PCDHGA3: variants seen among roughly 807,000 people sequenced by gnomAD.
The protein encoded by PCDHGA3 is protocadherin gamma-A3.
A neutral mutation model predicts 58.5 loss-of-function variants in PCDHGA3; 40 were observed. The observed-to-expected ratio is 0.68, with a 90% CI of 0.53 to 0.89. The LOEUF is 0.89. Ranked by LOEUF, PCDHGA3 falls within the 40% of genes least tolerant of loss-of-function variation. The pLI, the probability that PCDHGA3 is intolerant of heterozygous loss-of-function variation, is 0.00. For missense variants in PCDHGA3, 1,223 were observed against 1,195.9 expected (o/e 1.02, Z -0.33); for synonymous variants, 530 against 525.7 (o/e 1.01, Z -0.11).
In PCDHGA3 at chr5:141,399,169, C is replaced by G. The variant is rs371809310; in HGVS notation, c.2424+52712C>G. On this transcript the variant is annotated intron_variant, in intron 1 of 3. Transcript: ENST00000253812. ...TAGCCCAGAAGTTACATTCCATTCT[C>G]TACTTGAAATGATTCTGGAAAACGC... 2.4e-5 allele frequency: 38 copies of G among 1,613,632 alleles called. No individual in the cohort carries two copies. In the African/African-American group the frequency reaches 4.0e-4, roughly 17 times the overall value.
chr5:141,401,712 A>G (rs987480271), intron 1 of PCDHGA3, among the ~76,000 whole-genome samples: 1 of 152,226 alleles, frequency 6.6e-6, no homozygotes, highest in Non-Finnish European at 1.5e-5. Flanking sequence ...TCCATTTTTA[A>G]GACAAAAACT....
In PCDHGA3 at chr5:141,477,967, C is replaced by A; in HGVS notation, c.2425-16840C>A. The A allele has an allele frequency of 6.2e-7, 1 of 1,614,150 alleles. No individual in the cohort carries two copies. Among genetic ancestry groups the A allele is most frequent in the Non-Finnish European group, 8.5e-7 (1 of 1,180,032 alleles). On this transcript the variant is annotated intron_variant, in intron 1 of 3. Transcript: ENST00000253812. The surrounding 1 kb of genome is among the most constrained non-coding windows in gnomAD (Gnocchi z 4.9). ...GTCTCTTGGGATCCCCTAACCAGAG[C>A]CTTTTTGCCATAGGGCTGCACACTG...
In PCDHGA3 at chr5:141,432,171, T is replaced by C. The variant is rs114326665; in HGVS notation, c.2425-62636T>C. On this transcript the variant is annotated intron_variant, in intron 1 of 3. Coordinates refer to ENST00000253812, the MANE Select transcript of PCDHGA3 (RefSeq NM_018916.4). This position sits in a 1 kb window ranked among gnomAD's most constrained non-coding sequence, Gnocchi z 6.0. ...GAGAACAATCCCAGAGGAGTTTCCC[T>C]CGTCTCTGTGACCGCCCACGACCCC... The C allele has an allele frequency of 4.4e-5, 71 of 1,614,046 alleles. No individual in the cohort carries two copies. In the African/African-American group the frequency reaches 8.5e-4, roughly 19 times the overall value.
chr5:141,444,947 C>G (rs2098452252), intron 1 of PCDHGA3, among the ~76,000 whole-genome samples: 1 of 152,054 alleles, frequency 6.6e-6, no homozygotes, highest in Non-Finnish European at 1.5e-5. Context: ...GGAGGAGGAT[C>G]ATCTTAACAA....
At chr5:141,371,965 A>T (rs746190919) in intron 1 of PCDHGA3, 1 of 1,613,282 alleles carries the variant, frequency 6.2e-7, no homozygotes, top group South Asian at 1.1e-5. Context: ...GACCACGAGC[A>T]GCTGCGTGCC....
At chr5:141,364,551 T>A in intron 1 of PCDHGA3, 1 of 1,614,076 alleles carries the variant, frequency 6.2e-7, no homozygotes, top group South Asian at 1.1e-5. Context: ...AGGACGCAGC[T>A]TTTTGCCCTG....
Position 141,420,095 on chromosome 5 carries a change from G to A in PCDHGA3, c.2424+73638G>A, listed in dbSNP as rs1382286285. 2.5e-6 allele frequency: 4 copies of A among 1,613,882 alleles called. No individual in the cohort carries two copies. Among genetic ancestry groups the A allele is most frequent in the Admixed American group, 1.7e-5 (1 of 60,010 alleles). ...TGTGGGTCCCCCCAACTACAGTGAGGGAACGTTGCCCTATGCCTATAATTT... is the reference window on the plus strand; with the variant it reads ...TGTGGGTCCCCCCAACTACAGTGAGAGAACGTTGCCCTATGCCTATAATTT... On this transcript the variant is annotated intron_variant, in intron 1 of 3. Coordinates refer to ENST00000253812, the MANE Select transcript of PCDHGA3 (RefSeq NM_018916.4).
At chr5:141,375,358 G>C in intron 1 of PCDHGA3, 1 of 1,613,810 alleles carries the variant, frequency 6.2e-7, no homozygotes, top group Non-Finnish European at 8.5e-7. Context: ...TGACAGCCAC[G>C]GACAAAGGAA....
intron 1 of PCDHGA3, chr5:141,384,016 G>A: frequency 6.2e-7 from 1 of 1,613,744 alleles, no homozygotes; most frequent in Non-Finnish European, 8.5e-7. Flanking sequence ...CTACCTACAA[G>A]ACAGAGATTC....
Position 141,477,858 on chromosome 5 carries a change from C to T in PCDHGA3, c.2425-16949C>T. 2 of 1,613,572 alleles carry T rather than the reference C, an allele frequency of 1.2e-6. No individual in the cohort carries two copies. Among genetic ancestry groups the T allele is most frequent in the Non-Finnish European group, 1.7e-6 (2 of 1,179,842 alleles). ...GGTGGGAGCTCGGTGGAGATGCTGC[C>T]TCGAGGTACCTCAGCTGGCCACCTA... On this transcript the variant is annotated intron_variant, in intron 1 of 3. Transcript: ENST00000253812. This position sits in a 1 kb window ranked among gnomAD's most constrained non-coding sequence, Gnocchi z 4.9.
intron 1 of PCDHGA3, chr5:141,383,477 A>T: frequency 6.2e-7 from 1 of 1,613,722 alleles, no homozygotes; most frequent in Non-Finnish European, 8.5e-7. Context: ...AAGTACCCGG[A>T]ACTGGTGCTG....
chr5:141,361,552 C>T, intron 1 of PCDHGA3: 1 of 1,614,060 alleles, frequency 6.2e-7, no homozygotes, highest in Non-Finnish European at 8.5e-7. Flanking sequence ...CTCTATCGCT[C>T]AAATCAGTGC....
rs1561492297 is a variant in PCDHGA3 at position 141,346,390 on chromosome 5, A to G, written c.2357A>G (p.Glu786Gly). The G allele has an allele frequency of 1.2e-6, 2 of 1,614,280 alleles. No individual in the cohort carries two copies. The highest frequency in any genetic ancestry group is 1.7e-6 in the Non-Finnish European group (2 of 1,180,052). The part of the protein sequence containing the change: ...ADTLISQESC[E>G]KSEPLLITQD... ...ACGCTCATCAGCCAGGAGAGCTGTG[A>G]GAAAAGCGAGCCTCTTCTGATAACT... Residue 786 changes from glutamate (E) to glycine (G), a missense_variant, in exon 1 of 4, where the codon GAG becomes GGG. Glu to Gly is a moderately conservative substitution (Grantham distance 98). Transcript: ENST00000253812.
At chr5:141,500,436 C>G (rs1318326111) in intron 2 of PCDHGA3, among the ~76,000 whole-genome samples, 2 of 151,836 alleles carry the variant, frequency 1.3e-5, no homozygotes, top group African/African-American at 2.4e-5. Flanking sequence ...GTCTCGATCT[C>G]CTGACCTCGT....
At position 141,485,632 on chromosome 5, in the gene PCDHGA3, G is replaced by C; in HGVS notation, c.2425-9175G>C. 6.2e-7 allele frequency: 1 copy of C among 1,611,766 alleles called. No individual in the cohort carries two copies. The highest frequency in any genetic ancestry group is 8.5e-7 in the Non-Finnish European group (1 of 1,178,342). ...CAGCTCCTCCAGGACAGCGTTTCCC[G>C]TTGGAAAAGGCTCAGGATGCAGATG... is the stretch of plus-strand genomic sequence containing the variant. On this transcript the variant is annotated intron_variant, in intron 1 of 3. Coordinates refer to ENST00000253812, the MANE Select transcript of PCDHGA3 (RefSeq NM_018916.4). This position sits in a 1 kb window ranked among gnomAD's most constrained non-coding sequence, Gnocchi z 5.7.
intron 1 of PCDHGA3, chr5:141,389,364 C>T: frequency 1.2e-6 from 2 of 1,613,854 alleles, no homozygotes; most frequent in Non-Finnish European, 1.7e-6. Context: ...GGCCAGTGAC[C>T]TGGAGCAGCG....
At chr5:141,392,891 C>G in intron 1 of PCDHGA3, 1 of 1,613,594 alleles carries the variant, frequency 6.2e-7, no homozygotes, top group Non-Finnish European at 8.5e-7. Context: ...TGTGGGAAAT[C>G]GGGAGGGGAC....
At chr5:141,408,765 G>A (rs1276364659) in intron 1 of PCDHGA3, 1 of 1,611,036 alleles carries the variant, frequency 6.2e-7, no homozygotes, top group East Asian at 2.2e-5. Context: ...AATTCCGATG[G>A]TGGCAAATAC....
At chr5:141,360,420 A>C (rs766750487) in intron 1 of PCDHGA3, 2 of 1,613,888 alleles carry the variant, frequency 1.2e-6, no homozygotes, top group African/African-American at 2.7e-5. Flanking sequence ...GAGAACAGAT[A>C]TGCGGGAAGC....
Sources: allele counts gnomAD v4.1 joint callset (sites outside exome capture counted in the v4.1 genomes callset), GRCh38; gene constraint gnomAD v4.1.1; non-coding constraint Gnocchi (gnomAD v3.1); transcripts MANE v1.5; gene names NCBI Gene and HGNC (gene_info 2026-07-23, HGNC 2026-07-21).